The following CDKL3 variants were observed in gnomAD, a reference collection of about 807,000 sequenced individuals.
The protein encoded by CDKL3 is cyclin-dependent kinase-like 3.
In CDKL3, 65 loss-of-function variants were observed where a neutral mutation model predicts 69.3. The ratio of observed to expected loss-of-function variants is 0.94; its 90% CI spans 0.77 to 1.15. The LOEUF is 1.15. CDKL3 is among the 50% of genes most tolerant of loss of function. CDKL3 has a pLI of 0.00. For synonymous variants in CDKL3, 202 were observed against 221.6 expected (o/e 0.91, Z 0.79); for missense variants, 652 against 689.2 (o/e 0.95, Z 0.61).
intron 12 of CDKL3, among the ~76,000 whole-genome samples, chr5:134,299,199 T>C (rs1465880324): frequency 1.3e-5 from 2 of 152,172 alleles, no homozygotes; most frequent in African/African-American, 2.4e-5. Context: ...ACAATCTTCA[T>C]GATATGTTTA....
chr5:134,368,040 G>A (rs572279952), upstream of CDKL3, among the ~76,000 whole-genome samples: 53 of 152,230 alleles, frequency 3.5e-4, no homozygotes, highest in African/African-American at 1.2e-3. Context: ...CTATGCTTCC[G>A]CTAAATAAGA....
chr5:134,363,925 T>A (rs1327529415), intron 2 of CDKL3, among the ~76,000 whole-genome samples: 2 of 138,006 alleles, frequency 1.4e-5, no homozygotes, highest in Non-Finnish European at 3.0e-5. Flanking sequence ...GCCACTGCGC[T>A]GCAGCCTGGG....
At chr5:134,371,249 C>T (rs1758371088), upstream of CDKL3, 2 of 376,950 alleles carry the variant, frequency 5.3e-6, no homozygotes, top group South Asian at 2.7e-5. Context: ...GTTTCTGTTT[C>T]GTGGTCTTTG....
intron 8 of CDKL3, among the ~76,000 whole-genome samples, chr5:134,290,066 T>G (rs1765054632): frequency 6.6e-6 from 1 of 152,012 alleles, no homozygotes; most frequent in African/African-American, 2.4e-5. Context: ...ACGTTAAAAC[T>G]TTGCCTTGGC....
At position 134,341,510 on chromosome 5, in the gene CDKL3, A is replaced by G. The variant is rs565900173; in HGVS notation, c.539+8739T>C. On this transcript the variant is annotated intron_variant, in intron 4 of 12. Transcript: ENST00000265334. ...CATGATAATGATATGAGTTAAGAAGAAATTATTTAGGCAGGCAGTGAGGGT... is the reference window on the plus strand; with the variant it reads ...CATGATAATGATATGAGTTAAGAAGGAATTATTTAGGCAGGCAGTGAGGGT... Among the ~76,000 whole-genome samples, 4 of 152,382 alleles carry G rather than the reference A, an allele frequency of 2.6e-5. No individual in the cohort carries two copies. In the East Asian group the frequency reaches 7.7e-4, roughly 29 times the overall value.
At chr5:134,321,974 T>G in intron 4 of CDKL3, 71 bp from the exon 5 acceptor site, 1 of 828,076 alleles carries the variant, frequency 1.2e-6, no homozygotes, top group Non-Finnish European at 1.9e-6. Flanking sequence ...TAAAAATATG[T>G]TTAAAGAAGG....
chr5:134,326,016 G>A (rs138896797), intron 4 of CDKL3, among the ~76,000 whole-genome samples: 329 of 142,898 alleles, frequency 2.3e-3, no homozygotes, highest in Non-Finnish European at 1.8e-3. Context: ...GACATGATCC[G>A]CACGCCTCGG....
chr5:134,319,352 A>AT lies in CDKL3; in HGVS notation c.792+5_792+6insA. 6.7e-7 allele frequency: 1 copy of AT among 1,502,650 alleles called. No homozygotes were observed. The highest frequency in any genetic ancestry group is 8.8e-7 in the Non-Finnish European group (1 of 1,131,442). 93.1% of individuals were successfully genotyped at this position (1,502,650 alleles called of 1,614,324 possible). A position where few individuals can be genotyped will look rare whatever the true frequency, so the allele number is the denominator to read the frequency against. On this transcript the variant is annotated splice_donor_region_variant and intron_variant, in intron 6 of 12. Transcript: ENST00000265334. ...CTCCGGGGGAGGAAAAAAAAAAAAA[A>AT]CATACATGAACTATATCTGCCAACA...
intron 8 of CDKL3, among the ~76,000 whole-genome samples, chr5:134,289,118 T>C (rs960457170): frequency 1.0e-4 from 15 of 143,008 alleles, no homozygotes; most frequent in African/African-American, 3.7e-4. Context: ...GTTATGATCA[T>C]GTTACTGTAG....
chr5:134,312,403 A>G (rs780904330), intron 6 of CDKL3, 23 bp from the exon 7 acceptor site: 7 of 1,370,522 alleles, frequency 5.1e-6, no homozygotes, highest in South Asian at 2.6e-5. Context: ...AAAGATTTTA[A>G]TAAGTGAGCT....
chr5:134,339,391 G>A (rs1188928670), intron 4 of CDKL3, among the ~76,000 whole-genome samples: 1 of 151,936 alleles, frequency 6.6e-6, no homozygotes, highest in Admixed American at 6.6e-5. Flanking sequence ...TAAAAAGACT[G>A]CCCTAATACA....
rs77129432 is a variant in CDKL3 at position 134,308,248 on chromosome 5, C to G, written c.1254G>C (p.Leu418Phe). ...AACCTCCGCAATGTGGATTTTCTTT[C>G]AAGCCATTACAGTTAGTGCTGGGAT... is the stretch of plus-strand genomic sequence containing the variant. ...PINPSTNCNG[L>F]KENPHCGGSV... The change falls in exon 9 of 13, where the codon TTG (leucine) becomes TTC (phenylalanine). Residue 418 changes from leucine to phenylalanine, a missense_variant. By Grantham distance (22) the Leu-to-Phe change is conservative (BLOSUM62 0). Transcript: ENST00000265334. The G allele has an allele frequency of 3.1e-6, 5 of 1,613,618 alleles. No homozygotes were observed. In the East Asian group the frequency reaches 1.1e-4, roughly 36 times the overall value.
intron 4 of CDKL3, among the ~76,000 whole-genome samples, chr5:134,347,718 A>G (rs929747402): frequency 6.6e-6 from 1 of 151,260 alleles, no homozygotes; most frequent in Non-Finnish European, 1.5e-5. Flanking sequence ...AAAAAAAAAA[A>G]AAAGAAATGA....
At chr5:134,328,610 T>C (rs1031199423) in intron 4 of CDKL3, among the ~76,000 whole-genome samples, 1 of 152,058 alleles carries the variant, frequency 6.6e-6, no homozygotes, top group East Asian at 1.9e-4. Flanking sequence ...AAATATTTTA[T>C]AAAATAATGG....
intron 4 of CDKL3, among the ~76,000 whole-genome samples, chr5:134,336,921 T>C (rs573492893): frequency 6.6e-6 from 1 of 152,348 alleles, no homozygotes; most frequent in East Asian, 1.9e-4. Flanking sequence ...TGTTCAGATA[T>C]GCCCTGCCTC....
At chr5:134,329,485 A>AT (rs1475469603) in intron 4 of CDKL3, among the ~76,000 whole-genome samples, 1 of 151,242 alleles carries the variant, frequency 6.6e-6, no homozygotes, top group African/African-American at 2.4e-5. Flanking sequence ...TTATTTATTT[A>AT]TTTTTTGAGA....
At chr5:134,322,036 T>C (rs1216642048) in intron 4 of CDKL3, 133 bp from the exon 5 acceptor site, 4 of 628,318 alleles carry the variant, frequency 6.4e-6, no homozygotes, top group African/African-American at 1.9e-5. Context: ...TTGTTTTTTT[T>C]CGAGACCGAG....
intron 4 of CDKL3, among the ~76,000 whole-genome samples, chr5:134,333,083 T>G (rs1776204833): frequency 6.6e-6 from 1 of 152,244 alleles, no homozygotes; most frequent in Admixed American, 6.5e-5. Flanking sequence ...ACTCATGATT[T>G]GGCTCTCCGT....
At chr5:134,283,729 C>T (rs1177683760), downstream of CDKL3, among the ~76,000 whole-genome samples, 1 of 152,072 alleles carries the variant, frequency 6.6e-6, no homozygotes, top group African/African-American at 2.4e-5. Context: ...AGTCTTAACT[C>T]ATTTCAGCAT....
Sources: allele counts gnomAD v4.1 joint callset (sites outside exome capture counted in the v4.1 genomes callset), GRCh38; gene constraint gnomAD v4.1.1; transcripts MANE v1.5; gene names NCBI Gene and HGNC (gene_info 2026-07-23, HGNC 2026-07-21).